ACSL3: variants seen among roughly 807,000 people sequenced by gnomAD.
ACSL3 encodes the protein fatty acid CoA ligase Acsl3.
ACSL3 carries 34 observed loss-of-function variants against 84.7 expected under a neutral mutation model. That is an observed-to-expected ratio of 0.40 (90% CI 0.31 to 0.53). The LOEUF is 0.53. Among genes scored for constraint, ACSL3 ranks in the 20% least tolerant of loss-of-function variants. ACSL3 has a pLI of 0.48. For missense variants in ACSL3, 680 were observed against 873.1 expected (o/e 0.78, Z 2.79); for synonymous variants, 315 against 299.4 (o/e 1.05, Z -0.54).
At chr2:222,871,300 T>A (rs1466927167) in intron 1 of ACSL3, among the ~76,000 whole-genome samples, 1 of 152,078 alleles carries the variant, frequency 6.6e-6, no homozygotes, top group Non-Finnish European at 1.5e-5. Context: ...GTTAAAAAAA[T>A]TTATTTTTAA....
intron 1 of ACSL3, among the ~76,000 whole-genome samples, chr2:222,861,926 G>A (rs918212975): frequency 6.6e-6 from 1 of 152,154 alleles, no homozygotes; most frequent in African/African-American, 2.4e-5. Context: ...GTCCTGTGGG[G>A]TAGGTGTTAT....
intron 1 of ACSL3, among the ~76,000 whole-genome samples, chr2:222,865,822 G>GTGTGTA: frequency 6.8e-6 from 1 of 146,212 alleles, no homozygotes; most frequent in South Asian, 2.3e-4. Flanking sequence ...GTGTGTGTGT[G>GTGTGTA]TGTACACAGA....
intron 3 of ACSL3, among the ~76,000 whole-genome samples, chr2:222,903,928 G>C (rs1696222622): frequency 7.9e-6 from 1 of 127,274 alleles, no homozygotes; most frequent in East Asian, 2.4e-4. Flanking sequence ...ACAAACTGAA[G>C]TTCCCTGAAT....
chr2:222,877,951 T>C (rs1695492444), intron 1 of ACSL3, among the ~76,000 whole-genome samples: 1 of 152,212 alleles, frequency 6.6e-6, no homozygotes, highest in African/African-American at 2.4e-5. Flanking sequence ...CTGTCTTTCT[T>C]AGATAAGTCA....
intron 1 of ACSL3, among the ~76,000 whole-genome samples, chr2:222,873,782 A>ATT (rs1245282058): frequency 2.6e-5 from 4 of 152,194 alleles, no homozygotes; most frequent in Admixed American, 2.0e-4. Context: ...CCATTTCCCA[A>ATT]TTATTAGATT....
chr2:222,916,914 ATTGTAATTATCTGAATGG>A (rs1696598005), intron 5 of ACSL3, among the ~76,000 whole-genome samples: 1 of 152,244 alleles, frequency 6.6e-6, no homozygotes, highest in Admixed American at 6.5e-5. Context: ...GAGTTTTCAT[ATTGTAATTATCTGAATGG>A]TAATTGTGGT....
chr2:222,886,778 T>C (rs1168739039), intron 1 of ACSL3, among the ~76,000 whole-genome samples: 1 of 152,196 alleles, frequency 6.6e-6, no homozygotes, highest in Admixed American at 6.5e-5. Context: ...AGAGCAGTTT[T>C]AGGTGTACAG....
chr2:222,911,056 T>C (rs10174348), intron 4 of ACSL3, among the ~76,000 whole-genome samples: 163 of 147,658 alleles, frequency 1.1e-3, no homozygotes, highest in South Asian at 3.6e-3. Flanking sequence ...TTTTTTTTTT[T>C]TTTTTTTTTT....
At position 222,896,854 on chromosome 2, in the gene ACSL3, G is replaced by C. The variant is rs1331109471; in HGVS notation, c.-147-3820G>C. 4.2e-3 allele frequency among the ~76,000 whole-genome samples: 69 copies of C among 16,456 alleles called. 29 individuals are homozygous for C. The highest frequency in any genetic ancestry group is 0.035 in the African/African-American group (65 of 1,844). The allele number at this position is 16,456 out of a possible 152,430, so 10.8% of individuals were successfully genotyped here. ...TGACCCCCCCACCTCCCTCCCGGACGGGGCGGCTGGCCGGGCGGGGGGCCG... is the reference window on the plus strand; with the variant it reads ...TGACCCCCCCACCTCCCTCCCGGACCGGGCGGCTGGCCGGGCGGGGGGCCG... On this transcript the variant is annotated intron_variant, in intron 2 of 16. Transcript: ENST00000357430.
At chr2:222,892,800 G>A (rs187859130) in intron 2 of ACSL3, among the ~76,000 whole-genome samples, 2 of 152,150 alleles carry the variant, frequency 1.3e-5, no homozygotes, top group Non-Finnish European at 2.9e-5. Context: ...TGCCTTTGGG[G>A]ACAATCTATT....
rs1388450976 is a variant in ACSL3 at position 222,943,735 on chromosome 2, A to G, written c.*2081A>G. ...AACAAATTTGTCTGTAAGCAAAACT[A>G]TCTTTAGTGACTTAAAAAATAATAT... is the stretch of plus-strand genomic sequence containing the variant. On this transcript the variant is annotated 3_prime_UTR_variant, in exon 17 of 17. Transcript: ENST00000357430. 2.0e-5 allele frequency: 3 copies of G among 152,144 alleles called. No individual in the cohort carries two copies. Among genetic ancestry groups the G allele is most frequent in the Non-Finnish European group, 4.4e-5 (3 of 67,974 alleles). 9.4% of individuals were successfully genotyped at this position (152,144 alleles called of 1,614,324 possible). A position where few individuals can be genotyped will look rare whatever the true frequency, so the allele number is the denominator to read the frequency against.
At chr2:222,922,917 C>T (rs756205933) in intron 9 of ACSL3, 86 bp downstream of exon 9, 22 of 1,540,652 alleles carry the variant, frequency 1.4e-5, no homozygotes, top group Admixed American at 1.9e-5. Context: ...CAGTATATTG[C>T]GAGAGCGATG....
intron 14 of ACSL3, among the ~76,000 whole-genome samples, chr2:222,931,541 G>T (rs999240268): frequency 1.3e-5 from 2 of 151,850 alleles, no homozygotes; most frequent in Non-Finnish European, 2.9e-5. Flanking sequence ...TTTATTTTAT[G>T]AGCTATGTCT....
At chr2:222,883,592 A>G (rs1695645649) in intron 1 of ACSL3, among the ~76,000 whole-genome samples, 1 of 152,196 alleles carries the variant, frequency 6.6e-6, no homozygotes, top group Non-Finnish European at 1.5e-5. Flanking sequence ...TCATCTGCCC[A>G]GTCCTTTCAA....
At chr2:222,925,342 CAAAAAAA>C (rs34016050) in intron 11 of ACSL3, among the ~76,000 whole-genome samples, 3 of 85,498 alleles carry the variant, frequency 3.5e-5, no homozygotes, top group Non-Finnish European at 4.7e-5. Context: ...ACTCTTGTCT[CAAAAAAA>C]AAAAAAAAAA....
At position 222,924,485 on chromosome 2, in the gene ACSL3, C is replaced by A; in HGVS notation, c.1182C>A (p.Val394=). 1 of 1,606,788 alleles carries A rather than the reference C, an allele frequency of 6.2e-7. No individual in the cohort carries two copies. The highest frequency in any genetic ancestry group is 8.5e-7 in the Non-Finnish European group (1 of 1,177,350). Residue 394 remains valine (V), a synonymous_variant, in exon 11 of 17, where the codon GTC becomes GTA. Transcript: ENST00000357430. ...PEIMDRIYKN[V]MNKVSEMSSF... ...TCATGGATCGGATCTACAAAAATGT[C>A]ATGAATAAAGTCAGTGAAATGAGTA...
At chr2:222,861,624 C>T (rs1695015042) in intron 1 of ACSL3, 3 of 152,228 alleles carry the variant, frequency 2.0e-5, no homozygotes, top group South Asian at 2.1e-4. Context: ...ATTAAGAGGG[C>T]TCTGCCGCGG....
intron 1 of ACSL3, among the ~76,000 whole-genome samples, chr2:222,870,604 T>A (rs1241187901): frequency 6.6e-6 from 1 of 152,204 alleles, no homozygotes; most frequent in Admixed American, 6.5e-5. Context: ...CTAATCAATT[T>A]AGATGCTAAG....
At position 222,918,044 on chromosome 2, in the gene ACSL3, AGTT is replaced by A; in HGVS notation, c.559_561del (p.Val187del). The A allele has an allele frequency of 6.2e-7, 1 of 1,600,648 alleles. No homozygotes were observed. The highest frequency in any genetic ancestry group is 8.5e-7 in the Non-Finnish European group (1 of 1,170,858). On this transcript the variant is annotated splice_acceptor_variant and coding_sequence_variant, in exon 6 of 17. Transcript: ENST00000357430. LOFTEE classifies it high-confidence loss of function. ...TTGACTGGCTGCTGCTTTTCCTTTT[AGTT>A]GTTACATTATATGCCACTCTAGGAG... is the stretch of plus-strand genomic sequence containing the variant.
Sources: allele counts gnomAD v4.1 joint callset (sites outside exome capture counted in the v4.1 genomes callset), GRCh38; gene constraint gnomAD v4.1.1; transcripts MANE v1.5; gene names NCBI Gene and HGNC (gene_info 2026-07-23, HGNC 2026-07-21).